Variants in KCNK2 observed in about 807,000 individuals in gnomAD.
KCNK2 encodes potassium two pore domain channel subfamily K member 2.
In KCNK2, 21 loss-of-function variants were observed where a neutral mutation model predicts 40.5. That is an observed-to-expected ratio of 0.52 (90% confidence interval 0.37 to 0.75). The LOEUF is 0.75. Ranked by LOEUF, KCNK2 falls within the 30% of genes least tolerant of loss-of-function variation. KCNK2 has a pLI of 0.00. For synonymous variants in KCNK2, 191 were observed against 202.2 expected (o/e 0.94, Z 0.47); for missense variants, 399 against 531.6 (o/e 0.75, Z 2.45).
chr1:215,079,683 C>T (rs1042826765), upstream of KCNK2, among the ~76,000 whole-genome samples: 3 of 152,174 alleles, frequency 2.0e-5, no homozygotes, highest in Non-Finnish European at 2.9e-5. Context: ...AACCATATCA[C>T]TGAGTGATGC....
At chr1:215,157,262 T>C (rs1234263405) in intron 3 of KCNK2, among the ~76,000 whole-genome samples, 1 of 152,128 alleles carries the variant, frequency 6.6e-6, no homozygotes, top group Non-Finnish European at 1.5e-5. Context: ...AGAGGAGATA[T>C]CCCTCACGGG....
At chr1:215,100,583 G>A (rs1268488369) in intron 2 of KCNK2, among the ~76,000 whole-genome samples, 1 of 151,914 alleles carries the variant, frequency 6.6e-6, no homozygotes, top group South Asian at 2.1e-4. Context: ...TATTTACAAT[G>A]CTAATGGCAT....
chr1:215,181,182 T>A (rs1465126248), intron 5 of KCNK2, among the ~76,000 whole-genome samples: 1 of 152,176 alleles, frequency 6.6e-6, no homozygotes, highest in East Asian at 1.9e-4. Flanking sequence ...TAGTTTGAAA[T>A]TCCTTAAGTG....
chr1:215,099,258 C>T (rs1338487262), intron 2 of KCNK2, among the ~76,000 whole-genome samples: 1 of 151,866 alleles, frequency 6.6e-6, no homozygotes, highest in African/African-American at 2.4e-5. Flanking sequence ...TAAGTGAGAA[C>T]ATGTTATCTG....
Position 215,225,333 on chromosome 1 carries a change from A to T in KCNK2, c.964-9495A>T, listed in dbSNP as rs367992848. Among the ~76,000 whole-genome samples, 34 of 152,344 alleles carry T rather than the reference A, an allele frequency of 2.2e-4. 1 individual carries two copies. In the East Asian group the frequency reaches 6.2e-3, roughly 28 times the overall value. ...CTCATAAACATTGACTTCATACATG[A>T]CATTTATTAGCCTCAAGATTATGCT... is the stretch of plus-strand genomic sequence containing the variant. On this transcript the variant is annotated intron_variant, in intron 6 of 6. Transcript: ENST00000444842.
At chr1:215,210,524 A>G (rs1335106315) in intron 6 of KCNK2, among the ~76,000 whole-genome samples, 1 of 152,118 alleles carries the variant, frequency 6.6e-6, no homozygotes, top group East Asian at 1.9e-4. Flanking sequence ...TTATGAAAAG[A>G]TGCATAGCAC....
At chr1:215,097,078 G>C (rs888252071) in intron 2 of KCNK2, among the ~76,000 whole-genome samples, 8 of 151,822 alleles carry the variant, frequency 5.3e-5, no homozygotes, top group African/African-American at 2.4e-5. Flanking sequence ...CGAGAAAGGA[G>C]GGAGTTTTTA....
chr1:215,119,112 ATCT>A (rs1008795229), intron 2 of KCNK2, among the ~76,000 whole-genome samples: 3 of 152,110 alleles, frequency 2.0e-5, no homozygotes, highest in African/African-American at 7.2e-5. Context: ...AATTCCCTAT[ATCT>A]TCTTCTTTAA....
intron 2 of KCNK2, among the ~76,000 whole-genome samples, chr1:215,114,151 C>G (rs1660822556): frequency 6.6e-6 from 1 of 152,074 alleles, no homozygotes; most frequent in Non-Finnish European, 1.5e-5. Context: ...GGAGAGAAGA[C>G]CCACCAGCCT....
intron 3 of KCNK2, among the ~76,000 whole-genome samples, chr1:215,160,976 C>A (rs1358605935): frequency 6.6e-6 from 1 of 152,092 alleles, no homozygotes; most frequent in Non-Finnish European, 1.5e-5. Context: ...TCCCCCAGAC[C>A]TGGTCATTTT....
At chr1:215,203,982 G>A (rs1020619002) in intron 6 of KCNK2, among the ~76,000 whole-genome samples, 2 of 128,216 alleles carry the variant, frequency 1.6e-5, no homozygotes, top group Non-Finnish European at 3.1e-5. Context: ...AGCTTGCAGT[G>A]AGCCGAGATC....
At chr1:215,205,181 G>A (rs1256775851) in intron 6 of KCNK2, among the ~76,000 whole-genome samples, 2 of 152,074 alleles carry the variant, frequency 1.3e-5, no homozygotes, top group East Asian at 1.9e-4. Context: ...TTTGTGTTTG[G>A]TTAACCATAT....
chr1:215,227,220 G>T (rs1023543707), intron 6 of KCNK2, among the ~76,000 whole-genome samples: 4 of 152,194 alleles, frequency 2.6e-5, no homozygotes, highest in African/African-American at 9.7e-5. Flanking sequence ...AGTAATTGTA[G>T]TAAGTTGTGT....
intron 3 of KCNK2, among the ~76,000 whole-genome samples, chr1:215,143,383 A>T: frequency 6.6e-6 from 1 of 152,114 alleles, no homozygotes; most frequent in East Asian, 1.9e-4. Context: ...CCTTGGTATC[A>T]GTGGGTTTTA....
intron 5 of KCNK2, among the ~76,000 whole-genome samples, chr1:215,177,302 G>T (rs1461293832): frequency 1.3e-5 from 2 of 151,996 alleles, no homozygotes; most frequent in African/African-American, 4.8e-5. Context: ...AATTCTATAG[G>T]TTGTCTGTTT....
intron 3 of KCNK2, among the ~76,000 whole-genome samples, chr1:215,164,928 TA>T (rs1558120855): frequency 6.6e-6 from 1 of 152,172 alleles, no homozygotes; most frequent in Non-Finnish European, 1.5e-5. Flanking sequence ...AGATGCTTAA[TA>T]AAAAATTTTG....
chr1:215,118,195 T>C lies in KCNK2; in HGVS notation c.358-6438T>C, dbSNP rs182120815. The stretch of plus-strand genomic sequence containing the variant: ...GGACCATTCAAAACAGCTCACATCA[T>C]CTGGAATAAGGTAATCATAGTGTTG... On this transcript the variant is annotated intron_variant, in intron 2 of 6. Transcript: ENST00000444842. 1.9e-4 allele frequency among the ~76,000 whole-genome samples: 29 copies of C among 152,154 alleles called. 1 individual carries two copies. In the East Asian group the frequency reaches 4.1e-3, roughly 21 times the overall value.
chr1:215,209,497 A>ATT (rs1558140416), intron 6 of KCNK2, among the ~76,000 whole-genome samples: 4 of 1,316 alleles, frequency 3.0e-3, no homozygotes, highest in African/African-American at 5.3e-3. Flanking sequence ...ACATATATAT[A>ATT]ATATATAATA....
Position 215,083,399 on chromosome 1 carries a change from C to T in KCNK2, c.14C>T (p.Ala5Val). 1 of 1,614,084 alleles carries T rather than the reference C, an allele frequency of 6.2e-7. No individual in the cohort carries two copies. The highest frequency in any genetic ancestry group is 8.5e-7 in the Non-Finnish European group (1 of 1,179,984). The change falls in exon 1 of 7, where the codon GCC becomes GTC. Residue 5 changes from alanine (A) to valine (V), a missense_variant. This residue lies in a region of KCNK2 where 279 missense variants were observed against 353.8 expected (regional missense o/e 0.79). Transcript: ENST00000444842. MLPSASRERPGYRAG... is the reference protein window; with the variant it reads MLPSVSRERPGYRAG... Reference sequence around the variant, plus strand: ...GCTGCATGCCTCATGCTTCCCAGCGCCTCGCGGGAGAGACCCGGCTATAGA... The same window carrying T: ...GCTGCATGCCTCATGCTTCCCAGCGTCTCGCGGGAGAGACCCGGCTATAGA...
Sources: allele counts gnomAD v4.1 joint callset (sites outside exome capture counted in the v4.1 genomes callset), GRCh38; gene constraint gnomAD v4.1.1; regional missense constraint gnomAD v4.1.1; transcripts MANE v1.5; gene names NCBI Gene and HGNC (gene_info 2026-07-23, HGNC 2026-07-21).